Variants in TCF20 observed in about 807,000 individuals in gnomAD.
TCF20 encodes SPRE-binding protein.
Under a neutral mutation model 148.6 loss-of-function variants are expected in TCF20, and 3 were observed. That is an observed-to-expected ratio of 0.02 (90% CI 0.01 to 0.05). The LOEUF (loss-of-function observed/expected upper bound fraction) is 0.05. Among genes scored for constraint, TCF20 ranks in the 10% least tolerant of loss-of-function variants. TCF20 has a pLI of 1.00. For synonymous variants in TCF20, 1,049 were observed against 909.5 expected (o/e 1.15, Z -2.76); for missense variants, 2,350 against 2,429.3 (o/e 0.97, Z 0.69).
rs901990130 is a variant in TCF20, at chr22:42,340,811, T to G, written c.-37+2668A>C. 2.0e-5 allele frequency among the ~76,000 whole-genome samples: 3 copies of G among 151,594 alleles called. No homozygotes were observed. The East Asian group carries it at 5.8e-4, about 29-fold the overall frequency. ...TCTTCCACACGCCAAAGCTGCCTCC[T>G]TCCCCATCAACGCAATAAAGAAGGG... On this transcript the variant is annotated intron_variant, in intron 1 of 1. Transcript: ENST00000515426.
chr22:42,182,129 A>G (rs1408050100), intron 2 of TCF20, among the ~76,000 whole-genome samples: 1 of 152,202 alleles, frequency 6.6e-6, no homozygotes, highest in Non-Finnish European at 1.5e-5. Flanking sequence ...GGCCACCTCT[A>G]GCCTTGTTAC....
chr22:42,315,775 G>A (rs1238883376), intron 1 of TCF20, among the ~76,000 whole-genome samples: 1 of 152,146 alleles, frequency 6.6e-6, no homozygotes, highest in Non-Finnish European at 1.5e-5. Context: ...CCCAGGTGGA[G>A]GAGACAAGAA....
At chr22:42,190,790 A>AC (rs1937291455) in intron 2 of TCF20, among the ~76,000 whole-genome samples, 2 of 1,062 alleles carry the variant, frequency 1.9e-3, no homozygotes, top group South Asian at 0.1. Flanking sequence ...TGTACACTTT[A>AC]TTGATGTTTA....
intron 2 of TCF20, among the ~76,000 whole-genome samples, chr22:42,190,120 G>A (rs182429845): frequency 6.6e-6 from 1 of 152,070 alleles, no homozygotes; most frequent in Non-Finnish European, 1.5e-5. Flanking sequence ...AAAAGGGCAC[G>A]GTGGGGGTAT....
intron 1 of TCF20, among the ~76,000 whole-genome samples, chr22:42,328,319 T>C: frequency 6.6e-6 from 1 of 152,196 alleles, no homozygotes; most frequent in South Asian, 2.1e-4. Context: ...TGGGGCATCC[T>C]GTGGGCTCCC....
intron 5 of TCF20, among the ~76,000 whole-genome samples, chr22:42,166,970 C>T (rs1456773396): frequency 1.3e-5 from 2 of 152,196 alleles, no homozygotes; most frequent in Admixed American, 6.5e-5. Flanking sequence ...TTCAAAACCA[C>T]GCAATGCAAT....
chr22:42,323,223 C>T (rs956259994), intron 1 of TCF20, among the ~76,000 whole-genome samples: 2 of 151,668 alleles, frequency 1.3e-5, no homozygotes, highest in Non-Finnish European at 3.0e-5. Context: ...TTTCTTTGGC[C>T]TCTTGTTCAG....
chr22:42,179,136 G>C (rs978917358), intron 3 of TCF20, among the ~76,000 whole-genome samples: 1 of 151,754 alleles, frequency 6.6e-6, no homozygotes, highest in Non-Finnish European at 1.5e-5. Flanking sequence ...CGTAAAATGG[G>C]GCAGCCATTT....
At chr22:42,246,447 G>A (rs1311375619) in intron 1 of TCF20, among the ~76,000 whole-genome samples, 1 of 152,086 alleles carries the variant, frequency 6.6e-6, no homozygotes, top group African/African-American at 2.4e-5. Context: ...GTTTCTCCTG[G>A]CTTCAAAAAG....
chr22:42,295,178 T>C (rs1927209275), intron 1 of TCF20, among the ~76,000 whole-genome samples: 1 of 152,166 alleles, frequency 6.6e-6, no homozygotes, highest in Admixed American at 6.5e-5. Context: ...GCCTGGGCCC[T>C]TCCTCCTTGA....
chr22:42,215,403 C>A, intron 1 of TCF20, 62 bp from the exon 2 acceptor site: 1 of 1,495,948 alleles, frequency 6.7e-7, no homozygotes, highest in South Asian at 1.4e-5. Flanking sequence ...AAAATCAAGT[C>A]TAGATGATGG....
In TCF20 at chr22:42,243,310, A is replaced by AAAAAAAAAAAAAAAAAAAAAAAC. The variant is rs1569180401; in HGVS notation, c.-37+27028_-37+27029insGTTTTTTTTTTTTTTTTTTTTTT. ...ACTGTCTCAAAAAAAAAAAAAAAAA[A>AAAAAAAAAAAAAAAAAAAAAAAC]AAAAAAAAAAAGTCAGGCATGATGG... On this transcript the variant is annotated intron_variant, in intron 1 of 5. Transcript: ENST00000677622. Among the ~76,000 whole-genome samples the AAAAAAAAAAAAAAAAAAAAAAAC allele has an allele frequency of 3.7e-4, 52 of 140,936 alleles. 3 individuals carry two copies. Among genetic ancestry groups the AAAAAAAAAAAAAAAAAAAAAAAC allele is most frequent in the African/African-American group, 1.4e-3 (47 of 33,002 alleles). 92.5% of individuals were successfully genotyped at this position (140,936 alleles called of 152,430 possible).
intron 2 of TCF20, among the ~76,000 whole-genome samples, chr22:42,199,348 A>G (rs1419709621): frequency 6.6e-6 from 1 of 152,032 alleles, no homozygotes; most frequent in African/African-American, 2.4e-5. Flanking sequence ...TTCCCACTTC[A>G]GAGCCCATTT....
chr22:42,235,272 C>T (rs1923786316), intron 1 of TCF20, among the ~76,000 whole-genome samples: 1 of 152,164 alleles, frequency 6.6e-6, no homozygotes, highest in Non-Finnish European at 1.5e-5. Flanking sequence ...GAAAACTACT[C>T]CTGACAGCAG....
At chr22:42,241,471 A>C (rs1924393571) in intron 1 of TCF20, among the ~76,000 whole-genome samples, 1 of 152,240 alleles carries the variant, frequency 6.6e-6, no homozygotes. Context: ...ACTTGAAAAG[A>C]ATCACAACTG....
At chr22:42,326,767 G>C (rs1210101982) in intron 1 of TCF20, among the ~76,000 whole-genome samples, 1 of 152,244 alleles carries the variant, frequency 6.6e-6, no homozygotes, top group African/African-American at 2.4e-5. Flanking sequence ...TCCCCTCTTA[G>C]GGGGCTCCAC....
In TCF20 at chr22:42,212,377, C is replaced by A; in HGVS notation, c.2929G>T (p.Asp977Tyr). ...GGTCTGCTGTCTTGCGGGCCATAGT[C>A]TGAAAGGGAATCATGGGTTGCTGCT... ...PGAATHDSLS[D>Y]YGPQDSRPTP... is the part of the protein sequence containing the mutation. The change falls in exon 2 of 6, where the codon GAC becomes TAC. Residue 977 changes from aspartate (D) to tyrosine (Y), a missense_variant. This residue lies in a region of TCF20 where 1,641 missense variants were observed against 1,662.6 expected (regional missense o/e 0.99). Coordinates refer to ENST00000677622, the MANE Select transcript of TCF20 (RefSeq NM_001378418.1). 1 of 1,614,248 alleles carries A rather than the reference C, an allele frequency of 6.2e-7. No individual in the cohort carries two copies. The highest frequency in any genetic ancestry group is 8.5e-7 in the Non-Finnish European group (1 of 1,180,056).
intron 2 of TCF20, among the ~76,000 whole-genome samples, chr22:42,203,435 G>C (rs1446489142): frequency 6.6e-6 from 1 of 152,118 alleles, no homozygotes; most frequent in African/African-American, 2.4e-5. Flanking sequence ...TAAAATTTGA[G>C]TCCTTCAATT....
Position 42,343,129 on chromosome 22 carries a change from G to A in TCF20, c.-37+350C>T, listed in dbSNP as rs935911721. Among the ~76,000 whole-genome samples the A allele has an allele frequency of 2.0e-5, 3 of 152,166 alleles. 1 individual carries two copies. The highest frequency in any genetic ancestry group is 7.2e-5 in the African/African-American group (3 of 41,432). On this transcript the variant is annotated intron_variant, in intron 1 of 1. Transcript: ENST00000515426. ...TCTGTCGCTGTGAGTGTCCTGGAGG[G>A]GTGAGCTCCCACTGTAGAGTCAAGC...
Sources: allele counts gnomAD v4.1 joint callset (sites outside exome capture counted in the v4.1 genomes callset), GRCh38; gene constraint gnomAD v4.1.1; regional missense constraint gnomAD v4.1.1; transcripts MANE v1.5; gene names NCBI Gene and HGNC (gene_info 2026-07-23, HGNC 2026-07-21).